GSE1: variants seen among roughly 807,000 people sequenced by gnomAD.
GSE1 encodes the protein Gse1 coiled-coil protein, also known as genetic suppressor element 1.
A neutral mutation model predicts 112.6 loss-of-function variants in GSE1; 32 were observed. That is an observed-to-expected ratio of 0.28 (90% confidence interval 0.21 to 0.38). GSE1 has a LOEUF of 0.38. GSE1 is among the 10% of genes least tolerant of loss of function. GSE1 has a pLI of 1.00. For missense variants in GSE1, 2,348 were observed against 1,699.2 expected (o/e 1.38, Z -6.71); for synonymous variants, 1,115 against 735.6 (o/e 1.52, Z -8.35).
chr16:85,482,411 G>T (rs943429821), intron 2 of GSE1, among the ~76,000 whole-genome samples: 1 of 152,204 alleles, frequency 6.6e-6, no homozygotes, highest in African/African-American at 2.4e-5. Context: ...ACCAGGTCAG[G>T]TGGTCTGGAT....
At chr16:85,249,024 C>G (rs1906168987) in intron 1 of GSE1, among the ~76,000 whole-genome samples, 1 of 152,228 alleles carries the variant, frequency 6.6e-6, no homozygotes, top group Non-Finnish European at 1.5e-5. Context: ...GAGGCAGCTC[C>G]CAGGCGATGT....
chr16:85,486,941 G>T (rs562708807), intron 2 of GSE1, among the ~76,000 whole-genome samples: 22 of 152,252 alleles, frequency 1.4e-4, no homozygotes, highest in African/African-American at 5.3e-4. Flanking sequence ...ACTGATGAGT[G>T]GTCATTTTGT....
At chr16:85,175,130 TAAAG>T (rs931529328) in intron 1 of GSE1, among the ~76,000 whole-genome samples, 1 of 152,166 alleles carries the variant, frequency 6.6e-6, no homozygotes, top group South Asian at 2.1e-4. Flanking sequence ...ATGAGAAAAA[TAAAG>T]AGAAGAAAGA....
intron 2 of GSE1, among the ~76,000 whole-genome samples, chr16:85,481,167 C>T (rs1410519135): frequency 2.0e-5 from 3 of 152,268 alleles, no homozygotes; most frequent in African/African-American, 4.8e-5. Flanking sequence ...GAGGTCAGAG[C>T]CAGGCTTCCC....
chr16:85,371,250 G>A (rs2047294162), intron 2 of GSE1, among the ~76,000 whole-genome samples: 1 of 152,230 alleles, frequency 6.6e-6, no homozygotes, highest in East Asian at 1.9e-4. Flanking sequence ...TGGACCAGAA[G>A]AGCCCCAAGT....
intron 1 of GSE1, among the ~76,000 whole-genome samples, chr16:85,214,795 G>T (rs1224485146): frequency 1.3e-5 from 2 of 151,962 alleles, no homozygotes; most frequent in Non-Finnish European, 2.9e-5. Context: ...CAAAACATAG[G>T]TCTGCAGTGA....
chr16:85,641,810 C>G (rs2050473478), intron 2 of GSE1, among the ~76,000 whole-genome samples: 1 of 152,266 alleles, frequency 6.6e-6, no homozygotes, highest in South Asian at 2.1e-4. Flanking sequence ...TCCCACTTCC[C>G]TACTCACTGG....
rs754782976 is a variant in GSE1, at chr16:85,657,315, G to A, written c.1351G>A (p.Val451Ile). ...TGCCGGCCTGCAGGCGCCCAAGCCC[G>A]TCCAACACCCCTTGCATCCGGTGCC... ...KDAGLQAPKPVQHPLHPVPTP... is the reference protein window; with the variant it reads ...KDAGLQAPKPIQHPLHPVPTP... Residue 451 changes from valine to isoleucine, a missense_variant, in exon 8 of 16, where the codon GTC (valine) becomes ATC (isoleucine). Val to Ile is a conservative substitution (Grantham distance 29). Coordinates refer to ENST00000253458, the MANE Select transcript of GSE1 (RefSeq NM_014615.5). 53 of 1,598,794 alleles carry A rather than the reference G, an allele frequency of 3.3e-5. No homozygotes were observed. Among genetic ancestry groups the A allele is most frequent in the South Asian group, 2.2e-4 (20 of 89,212 alleles).
chr16:85,393,822 G>A (rs912110833), intron 2 of GSE1, among the ~76,000 whole-genome samples: 1 of 152,232 alleles, frequency 6.6e-6, no homozygotes, highest in South Asian at 2.1e-4. Flanking sequence ...GCTGGGCTGG[G>A]CTGAGGGGCT....
chr16:85,618,278 A>G (rs1240252170), intron 1 of GSE1, among the ~76,000 whole-genome samples: 2 of 152,062 alleles, frequency 1.3e-5, no homozygotes, highest in Admixed American at 6.5e-5. Context: ...CCCCACCCCC[A>G]TGTTCTCATC....
chr16:85,391,910 C>G (rs545479046), intron 2 of GSE1, among the ~76,000 whole-genome samples: 1 of 152,286 alleles, frequency 6.6e-6, no homozygotes, highest in African/African-American at 2.4e-5. Flanking sequence ...CTCATGCAGG[C>G]TGCAACTTAC....
At position 85,668,305 on chromosome 16, in the gene GSE1, G is replaced by A. The variant is rs765563913; in HGVS notation, c.3296G>A (p.Arg1099Gln). Residue 1099 changes from arginine (R) to glutamine (Q), a missense_variant, in exon 14 of 16, where the codon CGG (arginine) becomes CAG (glutamine). Physicochemically the swap from Arg to Gln is conservative, Grantham distance 43. Coordinates refer to ENST00000253458, the MANE Select transcript of GSE1 (RefSeq NM_014615.5). ...RKGPPTQELD[R>Q]DSEEEEEEDD... ...GGCCCCCCAACCCAGGAGTTGGACC[G>A]GGACTCGGAGGAGGAGGAAGAGGAG... 8.7e-6 allele frequency: 14 copies of A among 1,612,808 alleles called. No homozygotes were observed. The highest frequency in any genetic ancestry group is 5.0e-5 in the Admixed American group (3 of 60,000).
chr16:85,474,180 C>T (rs1014321766), intron 2 of GSE1, among the ~76,000 whole-genome samples: 6 of 152,064 alleles, frequency 3.9e-5, no homozygotes, highest in Non-Finnish European at 7.4e-5. Context: ...AGGTGCTGGG[C>T]CAGGCCAGGC....
chr16:85,409,364 T>C (rs1273870330), intron 2 of GSE1, among the ~76,000 whole-genome samples: 1 of 38,474 alleles, frequency 2.6e-5, no homozygotes, highest in Non-Finnish European at 5.0e-5. Context: ...TCCTCACTGT[T>C]ACACTCAGGC....
chr16:85,571,649 G>A (rs2045985746), intron 1 of GSE1, among the ~76,000 whole-genome samples: 1 of 152,204 alleles, frequency 6.6e-6, no homozygotes, highest in Non-Finnish European at 1.5e-5. Context: ...CCTGGAGCAG[G>A]GACCTGACTG....
At chr16:85,396,089 G>A (rs985148183) in intron 2 of GSE1, among the ~76,000 whole-genome samples, 10 of 152,334 alleles carry the variant, frequency 6.6e-5, no homozygotes, top group African/African-American at 2.2e-4. Flanking sequence ...GCCCCAAGTG[G>A]CCTGTTTCCA....
chr16:85,485,240 G>A (rs985025221), intron 2 of GSE1, among the ~76,000 whole-genome samples: 15 of 152,228 alleles, frequency 9.9e-5, no homozygotes, highest in African/African-American at 3.6e-4. Flanking sequence ...ACGGTTTCCC[G>A]CGCCCAGAGG....
chr16:85,669,259 C>G (rs1038718432), intron 14 of GSE1, among the ~76,000 whole-genome samples: 3 of 152,286 alleles, frequency 2.0e-5, no homozygotes, highest in Non-Finnish European at 4.4e-5. Flanking sequence ...AAAAGCTGGG[C>G]TGGGCCACAG....
At chr16:85,535,810 C>T (rs1479556075) in intron 2 of GSE1, among the ~76,000 whole-genome samples, 2 of 152,236 alleles carry the variant, frequency 1.3e-5, no homozygotes, top group Non-Finnish European at 2.9e-5. Context: ...AAAGCTGTTG[C>T]CGCAGGGCCA....
Sources: allele counts gnomAD v4.1 joint callset (sites outside exome capture counted in the v4.1 genomes callset), GRCh38; gene constraint gnomAD v4.1.1; transcripts MANE v1.5; gene names NCBI Gene and HGNC (gene_info 2026-07-23, HGNC 2026-07-21).